The following RIMKLB variants were observed in gnomAD, a reference collection of about 807,000 sequenced individuals.
The protein encoded by RIMKLB is beta-citrylglutamate synthase B.
RIMKLB carries 7 observed loss-of-function variants against 32.0 expected under a neutral mutation model. The ratio of observed to expected loss-of-function variants is 0.22; its 90% CI spans 0.12 to 0.41. The LOEUF is 0.41. Among genes scored for constraint, RIMKLB ranks in the 10% least tolerant of loss-of-function variants. The probability of loss-of-function intolerance (pLI) is 1.00; values close to 1 mark genes in which losing one functional copy is unlikely to be tolerated. For synonymous variants in RIMKLB, 172 were observed against 185.1 expected (o/e 0.93, Z 0.57); for missense variants, 289 against 498.7 (o/e 0.58, Z 4.00).
chr12:8,705,350 G>A (rs1486508930), intron 1 of RIMKLB, among the ~76,000 whole-genome samples: 1 of 151,914 alleles, frequency 6.6e-6, no homozygotes, highest in African/African-American at 2.4e-5. Flanking sequence ...GGTGGCACAC[G>A]CCTGTAGTCC....
intron 2 of RIMKLB, among the ~76,000 whole-genome samples, chr12:8,726,271 G>C (rs964722588): frequency 6.6e-6 from 1 of 152,230 alleles, no homozygotes; most frequent in Non-Finnish European, 1.5e-5. Flanking sequence ...ATCTCTCACT[G>C]TTAAAATGTG....
chr12:8,776,544 A>C lies in RIMKLB; in HGVS notation c.*2760A>C. 1 of 795,744 alleles carries C rather than the reference A, an allele frequency of 1.3e-6. No individual in the cohort carries two copies. The highest frequency in any genetic ancestry group is 1.3e-4 in the East Asian group (1 of 7,894). The allele number at this position is 795,744 out of a possible 1,614,324, so 49.3% of individuals were successfully genotyped here. ...TGTAAAATTTTTGTATATTGTTAAAATTGTAATTCTAAATTGTATTTCAAA... is the reference window on the plus strand; with the variant it reads ...TGTAAAATTTTTGTATATTGTTAAACTTGTAATTCTAAATTGTATTTCAAA... On this transcript the variant is annotated 3_prime_UTR_variant, in exon 6 of 6. Transcript: ENST00000535829.
chr12:8,685,823 TTTGAGACAGAGTC>T (rs1942553338), intron 1 of RIMKLB, among the ~76,000 whole-genome samples: 1 of 152,062 alleles, frequency 6.6e-6, no homozygotes, highest in Admixed American at 6.5e-5. Flanking sequence ...TTTATTCTTT[TTTGAGACAGAGTC>T]TCGCTCTGTC....
At chr12:8,759,765 TGTTAAGCAATAA>T (rs963830228) in intron 5 of RIMKLB, among the ~76,000 whole-genome samples, 5 of 152,102 alleles carry the variant, frequency 3.3e-5, no homozygotes, top group African/African-American at 1.2e-4. Context: ...TCCAGTATAG[TGTTAAGCAATAA>T]GGATTGCAGT....
chr12:8,749,132 A>G (rs1591878387), intron 2 of RIMKLB, among the ~76,000 whole-genome samples: 1 of 152,238 alleles, frequency 6.6e-6, no homozygotes. Flanking sequence ...ATAGGGCACA[A>G]TATTAAACTT....
rs1236698377 is a variant in RIMKLB, at chr12:8,776,525, AT to A, written c.*2746del. ...GTAATGATAAAATCTGAATTGTAAA[AT>A]TTTTGTATATTGTTAAAATTGTAAT... On this transcript the variant is annotated 3_prime_UTR_variant, in exon 6 of 6. Coordinates refer to ENST00000535829, the MANE Select transcript of RIMKLB (RefSeq NM_001297776.2). 1 of 755,154 alleles carries A rather than the reference AT, an allele frequency of 1.3e-6. No individual in the cohort carries two copies. The highest frequency in any genetic ancestry group is 1.3e-4 in the East Asian group (1 of 7,718). 46.8% of individuals were successfully genotyped at this position (755,154 alleles called of 1,614,324 possible). A position where few individuals can be genotyped will look rare whatever the true frequency, so the allele number is the denominator to read the frequency against.
chr12:8,757,708 A>G (rs983254741), intron 5 of RIMKLB, among the ~76,000 whole-genome samples: 9 of 152,146 alleles, frequency 5.9e-5, no homozygotes, highest in Non-Finnish European at 1.0e-4. Context: ...TTTATGTTAT[A>G]AAACTTCATC....
intron 2 of RIMKLB, among the ~76,000 whole-genome samples, chr12:8,735,725 T>C (rs1455636592): frequency 1.3e-5 from 2 of 151,292 alleles, no homozygotes; most frequent in East Asian, 3.8e-4. Flanking sequence ...TCGTTTTTTT[T>C]TTTGTCTGTC....
At chr12:8,711,162 A>G (rs1944343220) in intron 1 of RIMKLB, among the ~76,000 whole-genome samples, 1 of 151,900 alleles carries the variant, frequency 6.6e-6, no homozygotes, top group Admixed American at 6.6e-5. Flanking sequence ...TGAACCCAGG[A>G]GACAGAAGTT....
intron 2 of RIMKLB, among the ~76,000 whole-genome samples, chr12:8,720,146 G>T (rs1945290427): frequency 6.6e-6 from 1 of 152,330 alleles, no homozygotes; most frequent in Middle Eastern, 3.4e-3. Context: ...AGCCAGTAAT[G>T]AAGACATTTT....
chr12:8,748,898 C>T (rs2137700119), intron 2 of RIMKLB, among the ~76,000 whole-genome samples: 1 of 152,144 alleles, frequency 6.6e-6, no homozygotes, highest in South Asian at 2.1e-4. Flanking sequence ...GAGACCATGC[C>T]ACTGCACTCC....
intron 1 of RIMKLB, among the ~76,000 whole-genome samples, chr12:8,712,580 T>G (rs1944463420): frequency 1.3e-5 from 2 of 152,170 alleles, no homozygotes; most frequent in Non-Finnish European, 2.9e-5. Context: ...CTTAGGCCTT[T>G]GAGGCAGTGG....
chr12:8,774,070 A>ATGAGGAACAAAT lies in RIMKLB; in HGVS notation c.*287_*298dup, dbSNP rs1198534801. The ATGAGGAACAAAT allele has an allele frequency of 4.4e-6, 5 of 1,144,380 alleles. No individual in the cohort carries two copies. The highest frequency in any genetic ancestry group is 5.4e-6 in the Non-Finnish European group (5 of 930,624). The allele number at this position is 1,144,380 out of a possible 1,614,324, so 70.9% of individuals were successfully genotyped here. A position where few individuals can be genotyped will look rare whatever the true frequency, so the allele number is the denominator to read the frequency against. On this transcript the variant is annotated 3_prime_UTR_variant, in exon 6 of 6. Coordinates refer to ENST00000535829, the MANE Select transcript of RIMKLB (RefSeq NM_001297776.2). ...TAAAAAATGTGTATGCTCATAGGCCATGAGGAACAAATACTTTTTTTTTTT... is the reference window on the plus strand; with the variant it reads ...TAAAAAATGTGTATGCTCATAGGCCATGAGGAACAAATTGAGGAACAAATACTTTTTTTTTTT...
At chr12:8,710,799 C>T (rs1363926607) in intron 1 of RIMKLB, among the ~76,000 whole-genome samples, 1 of 152,010 alleles carries the variant, frequency 6.6e-6, no homozygotes, top group Admixed American at 6.6e-5. Flanking sequence ...GCAGCAACTG[C>T]CACACTCAGG....
In RIMKLB at chr12:8,775,816, T is replaced by C; in HGVS notation, c.*2032T>C. 1 of 985,074 alleles carries C rather than the reference T, an allele frequency of 1.0e-6. No individual in the cohort carries two copies. The highest frequency in any genetic ancestry group is 1.7e-5 in the African/African-American group (1 of 57,376). 61.0% of individuals were successfully genotyped at this position (985,074 alleles called of 1,614,324 possible). A position where few individuals can be genotyped will look rare whatever the true frequency, so the allele number is the denominator to read the frequency against. On this transcript the variant is annotated 3_prime_UTR_variant, in exon 6 of 6. Transcript: ENST00000535829. ...GAGAAAAGGATACATAAGAGGAGTT[T>C]GTAATTTATCTTAGGATATTCTAAT...
intron 5 of RIMKLB, among the ~76,000 whole-genome samples, chr12:8,757,291 G>A (rs1949122094): frequency 6.6e-6 from 1 of 152,056 alleles, no homozygotes; most frequent in South Asian, 2.1e-4. Flanking sequence ...ACTTTGGGAT[G>A]CCGAGGCAAG....
At chr12:8,758,138 A>C (rs752579876) in intron 5 of RIMKLB, among the ~76,000 whole-genome samples, 1 of 151,844 alleles carries the variant, frequency 6.6e-6, no homozygotes, top group Non-Finnish European at 1.5e-5. Flanking sequence ...TGTTGAGATT[A>C]TGCATCTGTT....
intron 1 of RIMKLB, among the ~76,000 whole-genome samples, chr12:8,711,608 C>T (rs749249469): frequency 1.4e-4 from 22 of 151,998 alleles, no homozygotes; most frequent in Middle Eastern, 3.4e-3. Context: ...CATGCTGGTG[C>T]GCTGCACCCA....
At chr12:8,676,489 C>T in the RIMKLB span, among the ~76,000 whole-genome samples, 7 of 147,892 alleles carry the variant, frequency 4.7e-5, no homozygotes, top group Non-Finnish European at 8.9e-5. Flanking sequence ...ACCTCTGCCT[C>T]CCGGGTTCAA....
Sources: allele counts gnomAD v4.1 joint callset (sites outside exome capture counted in the v4.1 genomes callset), GRCh38; gene constraint gnomAD v4.1.1; transcripts MANE v1.5; gene names NCBI Gene and HGNC (gene_info 2026-07-23, HGNC 2026-07-21).